The following PARP8 variants were observed in gnomAD, a reference collection of about 807,000 sequenced individuals.
PARP8 encodes the protein protein mono-ADP-ribosyltransferase PARP8.
PARP8 carries 51 observed loss-of-function variants against 124.1 expected under a neutral mutation model. The ratio of observed to expected loss-of-function variants is 0.41; its 90% CI spans 0.33 to 0.52. The LOEUF (loss-of-function observed/expected upper bound fraction) is 0.52. PARP8 is among the 20% of genes least tolerant of loss of function. The pLI, the probability that PARP8 is intolerant of heterozygous loss-of-function variation, is 0.21. For missense variants in PARP8, 860 were observed against 1,018.9 expected, an observed-to-expected ratio of 0.84 and a Z score of 2.12; for synonymous variants, 391 against 361.5, an observed-to-expected ratio of 1.08 and a Z score of -0.93.
At chr5:50,794,769 A>T in intron 11 of PARP8, 84 bp from the exon 12 acceptor site, 1 of 1,210,968 alleles carries the variant, frequency 8.3e-7, no homozygotes, top group Non-Finnish European at 1.2e-6. Flanking sequence ...TTATTAGCAC[A>T]GTCGAGTTTG....
intron 3 of PARP8, among the ~76,000 whole-genome samples, chr5:50,754,130 T>TAC (rs1759577632): frequency 1.2e-4 from 1 of 8,296 alleles, no homozygotes; most frequent in African/African-American, 3.7e-4. Flanking sequence ...TATATATATA[T>TAC]ATATATATAT....
intron 7 of PARP8, among the ~76,000 whole-genome samples, chr5:50,773,142 G>A (rs1157330012): frequency 6.6e-6 from 1 of 152,178 alleles, no homozygotes; most frequent in Non-Finnish European, 1.5e-5. Context: ...TCTGTAGGTT[G>A]TCTCTTCACT....
chr5:50,760,383 A>G (rs1314500157), intron 5 of PARP8, 21 bp downstream of exon 5: 1 of 1,471,382 alleles, frequency 6.8e-7, no homozygotes, highest in Non-Finnish European at 9.2e-7. Flanking sequence ...TATATTTTTT[A>G]TTTTCTTGAA....
chr5:50,747,867 G>A (rs1295776107), intron 2 of PARP8, among the ~76,000 whole-genome samples: 1 of 146,264 alleles, frequency 6.8e-6, no homozygotes, highest in African/African-American at 2.5e-5. Flanking sequence ...CCGCCTCCCG[G>A]GTTCACGCCA....
intron 2 of PARP8, chr5:50,738,864 T>C (rs1361459342): frequency 1.4e-5 from 9 of 640,238 alleles, no homozygotes; most frequent in Non-Finnish European, 1.7e-5. Context: ...AAAAGGATAG[T>C]TATTTGTTCA....
chr5:50,809,220 G>A (rs1261963383), intron 14 of PARP8, among the ~76,000 whole-genome samples: 2 of 151,998 alleles, frequency 1.3e-5, no homozygotes, highest in Non-Finnish European at 1.5e-5. Context: ...CTGAATGTGT[G>A]TCTTGACCAC....
intron 3 of PARP8, among the ~76,000 whole-genome samples, chr5:50,751,047 T>C (rs1262218571): frequency 1.3e-5 from 2 of 152,196 alleles, no homozygotes; most frequent in African/African-American, 4.8e-5. Flanking sequence ...CAAAAATTAA[T>C]GTGCTTCTCA....
intron 11 of PARP8, 23 bp downstream of exon 11, chr5:50,794,355 A>G (rs1742285234): frequency 1.2e-6 from 2 of 1,610,250 alleles, no homozygotes; most frequent in African/African-American, 2.7e-5. Flanking sequence ...CAACTTCGTC[A>G]TTGTCTTACT....
intron 2 of PARP8, among the ~76,000 whole-genome samples, chr5:50,737,748 TA>T (rs1757617283): frequency 6.6e-6 from 1 of 152,210 alleles, no homozygotes; most frequent in South Asian, 2.1e-4. Flanking sequence ...ATTGGCATTG[TA>T]ATCATAACTG....
chr5:50,788,998 C>T (rs1741631124), intron 10 of PARP8, among the ~76,000 whole-genome samples: 1 of 152,298 alleles, frequency 6.6e-6, no homozygotes, highest in African/African-American at 2.4e-5. Flanking sequence ...TGCTGCTCTG[C>T]TCCAGGCTGC....
At chr5:50,698,584 TC>T (rs1244549104) in intron 2 of PARP8, among the ~76,000 whole-genome samples, 4 of 151,868 alleles carry the variant, frequency 2.6e-5, no homozygotes, top group African/African-American at 9.7e-5. Flanking sequence ...TACAATTTTT[TC>T]CCCCCAAAGC....
chr5:50,809,365 T>C (rs171555), intron 14 of PARP8, among the ~76,000 whole-genome samples: 14,989 of 152,142 alleles, frequency 0.099, 792 homozygotes, highest in South Asian at 0.16. Flanking sequence ...GGAATTTATA[T>C]TTACTCTGCT....
At chr5:50,794,712 T>C in intron 11 of PARP8, 141 bp from the exon 12 acceptor site, 1 of 777,936 alleles carries the variant, frequency 1.3e-6, no homozygotes, top group Non-Finnish European at 2.0e-6. Context: ...TACCTTTGAT[T>C]TCAGTTTTGA....
chr5:50,733,538 A>G (rs1308454755), intron 2 of PARP8, among the ~76,000 whole-genome samples: 1 of 152,178 alleles, frequency 6.6e-6, no homozygotes, highest in Non-Finnish European at 1.5e-5. Flanking sequence ...CCTTTAAATT[A>G]TCAATTTTTG....
intron 2 of PARP8, among the ~76,000 whole-genome samples, chr5:50,738,710 T>C (rs1203558900): frequency 1.0e-5 from 1 of 100,066 alleles, no homozygotes; most frequent in African/African-American, 3.5e-5. Flanking sequence ...AGAAAGCTGA[T>C]AAGTTAAAAA....
chr5:50,834,857 GAT>G (rs1376319253), intron 24 of PARP8, 72 bp from the exon 25 acceptor site: 1 of 1,247,456 alleles, frequency 8.0e-7, no homozygotes, highest in Non-Finnish European at 1.2e-6. Context: ...AACGAGAAGA[GAT>G]ATATTAAGTC....
At chr5:50,688,697 A>C (rs1752144884) in intron 2 of PARP8, among the ~76,000 whole-genome samples, 1 of 152,218 alleles carries the variant, frequency 6.6e-6, no homozygotes, top group African/African-American at 2.4e-5. Context: ...CTCAATTAAC[A>C]TTAATATAAA....
chr5:50,760,184 A>G (rs1206998872), intron 4 of PARP8, 108 bp from the exon 5 acceptor site: 3 of 960,242 alleles, frequency 3.1e-6, no homozygotes, highest in African/African-American at 1.7e-5. Context: ...ATTCTTTTTC[A>G]GAGGAGATGG....
Position 50,763,231 on chromosome 5 carries a change from A to C in PARP8, c.507A>C (p.Ala169=). ...SAVREIYGPH[A]VSLREYGAID... ...TTAGAGAGATATATGGGCCACATGC[A>C]GTTTCTCTCAGGTAAATAAGTATCA... Residue 169 remains alanine, a synonymous_variant, in exon 7 of 26, where the codon GCA becomes GCC. Coordinates refer to ENST00000281631, the MANE Select transcript of PARP8 (RefSeq NM_024615.4). The C allele has an allele frequency of 6.2e-7, 1 of 1,606,116 alleles. No homozygotes were observed. Among genetic ancestry groups the C allele is most frequent in the Non-Finnish European group, 8.5e-7 (1 of 1,172,824 alleles).
Sources: allele counts gnomAD v4.1 joint callset (sites outside exome capture counted in the v4.1 genomes callset), GRCh38; gene constraint gnomAD v4.1.1; transcripts MANE v1.5; gene names NCBI Gene and HGNC (gene_info 2026-07-23, HGNC 2026-07-21).